TBC1D8: variants seen among roughly 807,000 people sequenced by gnomAD.
The protein encoded by TBC1D8 is TBC1 domain family member 8, also known as BUB2-like protein 1.
TBC1D8 carries 65 observed loss-of-function variants against 118.8 expected under a neutral mutation model. That is an observed-to-expected ratio of 0.55 (90% CI 0.45 to 0.67). TBC1D8 has a LOEUF of 0.67. Ranked by LOEUF, TBC1D8 falls within the 30% of genes least tolerant of loss-of-function variation. The probability of loss-of-function intolerance (pLI) is 0.00; values close to 1 mark genes in which losing one functional copy is unlikely to be tolerated. For synonymous variants in TBC1D8, 566 were observed against 595.8 expected (o/e 0.95, Z 0.73); for missense variants, 1,376 against 1,471.2 (o/e 0.94, Z 1.06).
In TBC1D8 at chr2:101,033,981, T is replaced by C. The variant is rs187254422; in HGVS notation, c.1604-223A>G. ...GAGTTCGAGACCAGCCTGGCCAAAA[T>C]GGTGAAACCCTGTCTCTACTAAAAA... On this transcript the variant is annotated intron_variant, in intron 9 of 19. Transcript: ENST00000409318. 3.0e-3 allele frequency among the ~76,000 whole-genome samples: 452 copies of C among 152,128 alleles called. 5 individuals carry two copies. The highest frequency in any genetic ancestry group is 0.01 in the African/African-American group (417 of 41,492).
At chr2:101,062,887 G>A (rs143447183) in intron 2 of TBC1D8, among the ~76,000 whole-genome samples, 1,747 of 152,200 alleles carry the variant, frequency 0.011, 45 homozygotes, top group African/African-American at 0.04. Context: ...TGATCCGCCC[G>A]CCTTGGCCTC....
chr2:101,150,768 C>A (rs549394084), intron 1 of TBC1D8, among the ~76,000 whole-genome samples: 10 of 152,286 alleles, frequency 6.6e-5, no homozygotes, highest in Non-Finnish European at 1.2e-4. Context: ...TGTCACCTGG[C>A]CCCACACAGC....
chr2:101,032,073 T>C (rs910539416), intron 11 of TBC1D8, among the ~76,000 whole-genome samples, 195 bp downstream of exon 11: 1 of 152,374 alleles, frequency 6.6e-6, no homozygotes, highest in Admixed American at 6.5e-5. Context: ...TGAGTTTCTT[T>C]ATTCCACTAC....
chr2:101,126,375 A>G (rs147127405), intron 1 of TBC1D8, among the ~76,000 whole-genome samples: 1 of 152,306 alleles, frequency 6.6e-6, no homozygotes, highest in East Asian at 1.9e-4. Flanking sequence ...TATCCGAACC[A>G]TAGCAAATGT....
At chr2:101,142,415 C>A (rs1679144447) in intron 1 of TBC1D8, among the ~76,000 whole-genome samples, 2 of 152,240 alleles carry the variant, frequency 1.3e-5, no homozygotes, top group South Asian at 4.1e-4. Context: ...CCAACAAGGT[C>A]ACTCATAGAA....
chr2:101,132,414 T>C (rs190860349), intron 1 of TBC1D8, among the ~76,000 whole-genome samples: 1 of 152,200 alleles, frequency 6.6e-6, no homozygotes, highest in African/African-American at 2.4e-5. Flanking sequence ...ATGATGTCTT[T>C]TATAGCACCT....
intron 1 of TBC1D8, among the ~76,000 whole-genome samples, chr2:101,110,947 T>C (rs1472914649): frequency 7.6e-6 from 1 of 132,090 alleles, no homozygotes. Context: ...GCCACTGCAC[T>C]CCAGCCTGGG....
intron 1 of TBC1D8, among the ~76,000 whole-genome samples, chr2:101,100,093 AT>A (rs1200246481): frequency 6.6e-6 from 1 of 152,196 alleles, no homozygotes; most frequent in Non-Finnish European, 1.5e-5. Context: ...AGATGACACA[AT>A]TTTATATTTA....
At chr2:101,054,667 CTTTTCTTTTTTTTTTTT>C (rs1485659965) in intron 3 of TBC1D8, among the ~76,000 whole-genome samples, 7 of 21,306 alleles carry the variant, frequency 3.3e-4, no homozygotes, top group Non-Finnish European at 4.5e-4. Flanking sequence ...ATTTTCTTTT[CTTTTCTTTTTTTTTTTT>C]TTTTTTTTTT....
intron 3 of TBC1D8, among the ~76,000 whole-genome samples, chr2:101,057,594 G>A (rs1470407516): frequency 6.6e-6 from 1 of 152,240 alleles, no homozygotes; most frequent in Non-Finnish European, 1.5e-5. Context: ...GGGAAGCCAA[G>A]GCAGGAGGAT....
intron 5 of TBC1D8, among the ~76,000 whole-genome samples, chr2:101,044,048 C>T (rs1014253245): frequency 1.3e-5 from 2 of 152,232 alleles, no homozygotes; most frequent in African/African-American, 4.8e-5. Flanking sequence ...GCTTCTCTCT[C>T]AGTGGCTTCA....
rs78040479 is a variant in TBC1D8, at chr2:101,146,416, A to G, written c.127+4711T>C. Among the ~76,000 whole-genome samples the G allele has an allele frequency of 6.9e-3, 1,056 of 152,364 alleles. 8 individuals are homozygous for G. The highest frequency in any genetic ancestry group is 0.023 in the African/African-American group (974 of 41,592). ...TTAAGGTAACCATGTTGCAAAGCAG[A>G]AAACATCAATTCAAATTACAACTTT... On this transcript the variant is annotated intron_variant, in intron 1 of 19. Coordinates refer to ENST00000409318, the MANE Select transcript of TBC1D8 (RefSeq NM_001330348.2).
rs182236778 is a variant in TBC1D8, at chr2:101,043,955, A to C, written c.873-3570T>G. Among the ~76,000 whole-genome samples the C allele has an allele frequency of 4.6e-3, 703 of 152,248 alleles. 4 individuals carry two copies. The highest frequency in any genetic ancestry group is 5.5e-3 in the Non-Finnish European group (374 of 68,000). On this transcript the variant is annotated intron_variant, in intron 5 of 19. Coordinates refer to ENST00000409318, the MANE Select transcript of TBC1D8 (RefSeq NM_001330348.2). ...AAGTCTGTCTCAAAAAACAAACAAA[A>C]AAAAAAGAATAAGGTGCTCCCGTAT...
At chr2:101,150,551 C>A (rs1230331815) in intron 1 of TBC1D8, among the ~76,000 whole-genome samples, 3 of 152,218 alleles carry the variant, frequency 2.0e-5, no homozygotes, top group Non-Finnish European at 2.9e-5. Context: ...GAGGAAAAAA[C>A]TGATCTGTTC....
At chr2:101,057,731 G>A (rs1298638880) in intron 3 of TBC1D8, among the ~76,000 whole-genome samples, 1 of 152,212 alleles carries the variant, frequency 6.6e-6, no homozygotes, top group Admixed American at 6.5e-5. Context: ...GGCTGAGGCA[G>A]GAGGATCACT....
intron 1 of TBC1D8, among the ~76,000 whole-genome samples, chr2:101,137,737 G>A (rs550978501): frequency 6.6e-6 from 1 of 152,312 alleles, no homozygotes; most frequent in Non-Finnish European, 1.5e-5. Flanking sequence ...AGACAAGACA[G>A]TACAGGGGTG....
intron 5 of TBC1D8, among the ~76,000 whole-genome samples, chr2:101,047,070 C>A (rs1441696740): frequency 1.3e-5 from 2 of 152,162 alleles, no homozygotes; most frequent in African/African-American, 4.8e-5. Context: ...TTCCTTTCCG[C>A]TTCCCTCCCT....
At chr2:101,135,738 C>G (rs909370344) in intron 1 of TBC1D8, among the ~76,000 whole-genome samples, 1 of 152,240 alleles carries the variant, frequency 6.6e-6, no homozygotes, top group African/African-American at 2.4e-5. Context: ...CTCCTGATAA[C>G]ATGAGCAGAT....
At chr2:101,086,128 C>T (rs1675605757) in intron 2 of TBC1D8, among the ~76,000 whole-genome samples, 2 of 138,812 alleles carry the variant, frequency 1.4e-5, no homozygotes, top group African/African-American at 5.5e-5. Context: ...TGCAACAGAG[C>T]GAGACTCTGT....
Sources: allele counts gnomAD v4.1 joint callset (sites outside exome capture counted in the v4.1 genomes callset), GRCh38; gene constraint gnomAD v4.1.1; transcripts MANE v1.5; gene names NCBI Gene and HGNC (gene_info 2026-07-23, HGNC 2026-07-21).